The following MOV10L1 variants were observed in gnomAD, a reference collection of about 807,000 sequenced individuals.
MOV10L1 encodes the protein Mov10 like RNA helicase 1.
MOV10L1 carries 110 observed loss-of-function variants against 143.8 expected under a neutral mutation model. That is an observed-to-expected ratio of 0.76 (90% confidence interval 0.66 to 0.90). The LOEUF is 0.90. Among genes scored for constraint, MOV10L1 ranks in the 40% least tolerant of loss-of-function variants. The pLI is 0.00. For missense variants in MOV10L1, 1,406 were observed against 1,526.8 expected, an observed-to-expected ratio of 0.92 and a Z score of 1.32; for synonymous variants, 593 against 581.1, an observed-to-expected ratio of 1.02 and a Z score of -0.29.
rs1849843763 is a variant in MOV10L1, at chr22:50,158,327, C to T, written c.3216+121C>T. The T allele has an allele frequency of 6.5e-6, 8 of 1,227,680 alleles. No individual in the cohort carries two copies. Among genetic ancestry groups the T allele is most frequent in the South Asian group, 6.1e-5 (4 of 66,006 alleles). The allele number at this position is 1,227,680 out of a possible 1,614,324, so 76.0% of individuals were successfully genotyped here. On this transcript the variant is annotated intron_variant, in intron 23 of 26. Coordinates refer to ENST00000262794, the MANE Select transcript of MOV10L1 (RefSeq NM_018995.3). The surrounding 1 kb of genome is among the most constrained non-coding windows in gnomAD (Gnocchi z 5.0). ...GAGCAGCAGCAGGTTTTTAAAGGGG[C>T]AGGACCGCACTTGAATGTCGTTCAA...
At chr22:50,100,882 G>A (rs926828717) in intron 3 of MOV10L1, among the ~76,000 whole-genome samples, 1 of 152,180 alleles carries the variant, frequency 6.6e-6, no homozygotes, top group East Asian at 1.9e-4. Flanking sequence ...AGAATATGTC[G>A]ATGTCATTGA....
intron 5 of MOV10L1, 69 bp downstream of exon 5, chr22:50,108,913 G>A (rs112461377): frequency 9.5e-6 from 14 of 1,479,164 alleles, no homozygotes; most frequent in African/African-American, 5.5e-5. Flanking sequence ...GGGAGGCTGA[G>A]GCAGACGGAT....
intron 20 of MOV10L1, 23 bp from the exon 21 acceptor site, chr22:50,150,712 T>C (rs748597812): frequency 6.2e-7 from 1 of 1,610,388 alleles, no homozygotes. Flanking sequence ...CTGCATGAGC[T>C]GAGACGGGCC....
rs148259063 is a variant in MOV10L1, at chr22:50,109,796, C to T, written c.743+952C>T. The T allele has an allele frequency of 8.7e-4, 136 of 156,444 alleles. 1 individual carries two copies. The East Asian group carries it at 0.024, about 28-fold the overall frequency. 9.7% of individuals were successfully genotyped at this position (156,444 alleles called of 1,614,324 possible). On this transcript the variant is annotated intron_variant, in intron 5 of 26. Coordinates refer to ENST00000262794, the MANE Select transcript of MOV10L1 (RefSeq NM_018995.3). ...GCTTGAGGCTGCAGCGAGCTGTGAT[C>T]GTGCTACCGCACTCTAGCCTGGGCA...
rs77925884 is a variant in MOV10L1 at position 50,141,064 on chromosome 22, T to C, written c.2071-1017T>C. 2.6e-5 allele frequency among the ~76,000 whole-genome samples: 4 copies of C among 151,892 alleles called. No individual in the cohort carries two copies. In the East Asian group the frequency reaches 7.7e-4, roughly 29 times the overall value. On this transcript the variant is annotated intron_variant, in intron 15 of 26. Coordinates refer to ENST00000262794, the MANE Select transcript of MOV10L1 (RefSeq NM_018995.3). ...CTTGTGTAGGATCCTTTTTTTTTTT[T>C]GTTTTGAGACAGAGTCTCGCTCTGT...
rs371066537 is a variant in MOV10L1, at chr22:50,114,589, A to G, written c.1093A>G (p.Ser365Gly). ...TKNKTSQMSE[S>G]SLVNNRGISP... ...AAACAAAACCTCTCAGATGTCGGAG[A>G]GCAGTTTGGTGAACAACAGAGGAAT... Residue 365 changes from serine to glycine, a missense_variant, in exon 7 of 27, where the codon AGC (serine) becomes GGC (glycine). Around this residue, in one of 3 missense-constraint regions of MOV10L1, gnomAD observed 1,233 missense variants for 1,351.4 expected, o/e 0.91. Coordinates refer to ENST00000262794, the MANE Select transcript of MOV10L1 (RefSeq NM_018995.3). 47 of 1,614,006 alleles carry G rather than the reference A, an allele frequency of 2.9e-5. No individual in the cohort carries two copies. The highest frequency in any genetic ancestry group is 5.3e-5 in the African/African-American group (4 of 74,914).
At position 50,159,116 on chromosome 22, in the gene MOV10L1, A is replaced by G. The variant is rs760753; in HGVS notation, c.3217-562A>G. The G allele has an allele frequency of 0.91, 139,332 of 152,280 alleles. 63,762 individuals carry two copies. The highest frequency in any genetic ancestry group is 0.94 in the South Asian group (4,525 of 4,812). 9.4% of individuals were successfully genotyped at this position (152,280 alleles called of 1,614,324 possible). A position where few individuals can be genotyped will look rare whatever the true frequency, so the allele number is the denominator to read the frequency against. ...CTGAAGGATTTCCTCCATCCTTGAT[A>G]TGTGCTTGTGGGGAGGGAGGATTTT... is the stretch of plus-strand genomic sequence containing the variant. On this transcript the variant is annotated intron_variant, in intron 23 of 26. Coordinates refer to ENST00000262794, the MANE Select transcript of MOV10L1 (RefSeq NM_018995.3). The surrounding 1 kb of genome is among the most constrained non-coding windows in gnomAD (Gnocchi z 4.1).
At chr22:50,157,909 C>A in intron 22 of MOV10L1, 148 bp from the exon 23 acceptor site, 1 of 931,148 alleles carries the variant, frequency 1.1e-6, no homozygotes, top group Non-Finnish European at 1.6e-6. Context: ...ATGCCATCTG[C>A]CCTGCTCACA....
chr22:50,134,396 C>A, intron 14 of MOV10L1, 134 bp from the exon 15 acceptor site: 1 of 672,348 alleles, frequency 1.5e-6, no homozygotes, highest in South Asian at 2.0e-5. Flanking sequence ...AATTTAGAAA[C>A]AGTATAACAG....
In MOV10L1 at chr22:50,161,649, C is replaced by G; in HGVS notation, c.*200C>G. Reference sequence around the variant, plus strand: ...GCCTGTTCCTGCCACAGGGCAGTCACTGCCGCCTACCCTGAAATAAACCCT... The same window carrying G: ...GCCTGTTCCTGCCACAGGGCAGTCAGTGCCGCCTACCCTGAAATAAACCCT... On this transcript the variant is annotated 3_prime_UTR_variant, in exon 27 of 27. Coordinates refer to ENST00000262794, the MANE Select transcript of MOV10L1 (RefSeq NM_018995.3). The G allele has an allele frequency of 1.8e-6, 1 of 540,884 alleles. No individual in the cohort carries two copies. Among genetic ancestry groups the G allele is most frequent in the East Asian group, 3.1e-5 (1 of 32,056 alleles). 33.5% of individuals were successfully genotyped at this position (540,884 alleles called of 1,614,324 possible). A position where few individuals can be genotyped will look rare whatever the true frequency, so the allele number is the denominator to read the frequency against.
At position 50,152,042 on chromosome 22, in the gene MOV10L1, G is replaced by A. The variant is rs738335; in HGVS notation, c.2893-1003G>A. ...TCACATTTGGAGTTTGGAGTAGCAC[G>A]TTGGAGGCTGGACACATTCTATTTA... On this transcript the variant is annotated intron_variant, in intron 21 of 26. Coordinates refer to ENST00000262794, the MANE Select transcript of MOV10L1 (RefSeq NM_018995.3). This position sits in a 1 kb window ranked among gnomAD's most constrained non-coding sequence, Gnocchi z 4.4. Among the ~76,000 whole-genome samples the A allele has an allele frequency of 0.12, 18,202 of 152,318 alleles. 1,352 individuals carry two copies. The highest frequency in any genetic ancestry group is 0.24 in the East Asian group (1,254 of 5,182).
chr22:50,156,256 C>T (rs2063425836), intron 22 of MOV10L1, among the ~76,000 whole-genome samples: 1 of 151,970 alleles, frequency 6.6e-6, no homozygotes, highest in Admixed American at 6.6e-5. Flanking sequence ...GCTGGGACTA[C>T]AGGCATGCCC....
In MOV10L1 at chr22:50,161,314, C is replaced by T. The variant is rs1247328602; in HGVS notation, c.3555-54C>T. The T allele has an allele frequency of 1.3e-5, 18 of 1,428,462 alleles. No homozygotes were observed. In the South Asian group the frequency reaches 1.8e-4, roughly 15 times the overall value. The allele number at this position is 1,428,462 out of a possible 1,614,324, so 88.5% of individuals were successfully genotyped here. On this transcript the variant is annotated intron_variant, in intron 26 of 26. Transcript: ENST00000262794. ...CACATTGGGAAAAGAGTGCAGCTCCCAGCCCGCTGTGGGAGCCTGGCTCAC... is the reference window on the plus strand; with the variant it reads ...CACATTGGGAAAAGAGTGCAGCTCCTAGCCCGCTGTGGGAGCCTGGCTCAC...
intron 2 of MOV10L1, among the ~76,000 whole-genome samples, chr22:50,097,646 A>T (rs1027545882): frequency 3.3e-5 from 5 of 152,160 alleles, no homozygotes; most frequent in Non-Finnish European, 7.3e-5. Flanking sequence ...CACTAGTTTG[A>T]TGACTGTAAC....
At chr22:50,109,162 C>T (rs999937538) in intron 5 of MOV10L1, among the ~76,000 whole-genome samples, 1 of 151,858 alleles carries the variant, frequency 6.6e-6, no homozygotes, top group Admixed American at 6.6e-5. Context: ...AAACGCTTTT[C>T]TTCTTTGGGA....
At position 50,145,817 on chromosome 22, in the gene MOV10L1, C is replaced by T. The variant is rs753114570; in HGVS notation, c.2627+7C>T. 6.2e-7 allele frequency: 1 copy of T among 1,613,420 alleles called. No individual in the cohort carries two copies. Among genetic ancestry groups the T allele is most frequent in the South Asian group, 1.1e-5 (1 of 91,064 alleles). On this transcript the variant is annotated splice_region_variant and intron_variant, in intron 19 of 26. Coordinates refer to ENST00000262794, the MANE Select transcript of MOV10L1 (RefSeq NM_018995.3). ...TTTACCAAATAGGAGTGAGGTGAGC[C>T]CCGGGCATGGAGCGCGGCATGGGGC...
chr22:50,107,632 T>G (rs1466682785), intron 3 of MOV10L1, among the ~76,000 whole-genome samples: 1 of 152,350 alleles, frequency 6.6e-6, no homozygotes, highest in African/African-American at 2.4e-5. Context: ...CCTGCAGTTT[T>G]CCACCAGCTG....
chr22:50,137,653 C>T (rs2062855973), intron 15 of MOV10L1, among the ~76,000 whole-genome samples: 1 of 151,436 alleles, frequency 6.6e-6, no homozygotes, highest in Non-Finnish European at 1.5e-5. Context: ...TGCAGTGAGC[C>T]AAGATCATGC....
At chr22:50,114,237 T>G in intron 6 of MOV10L1, 144 bp from the exon 7 acceptor site, 1 of 1,046,654 alleles carries the variant, frequency 9.6e-7, no homozygotes, top group Non-Finnish European at 1.3e-6. Flanking sequence ...TTCAAAATTT[T>G]TTACCCAAAA....
Sources: allele counts gnomAD v4.1 joint callset (sites outside exome capture counted in the v4.1 genomes callset), GRCh38; gene constraint gnomAD v4.1.1; regional missense constraint gnomAD v4.1.1; non-coding constraint Gnocchi (gnomAD v3.1); transcripts MANE v1.5; gene names NCBI Gene and HGNC (gene_info 2026-07-23, HGNC 2026-07-21).